CACNB2: variants seen among roughly 807,000 people sequenced by gnomAD.
CACNB2 encodes calcium voltage-gated channel auxiliary subunit beta 2.
Under a neutral mutation model 73.3 loss-of-function variants are expected in CACNB2, and 42 were observed. The ratio of observed to expected loss-of-function variants is 0.57; its 90% CI spans 0.45 to 0.74. The LOEUF is 0.74. CACNB2 is among the 30% of genes least tolerant of loss of function. The pLI, the probability that CACNB2 is intolerant of heterozygous loss-of-function variation, is 0.00. For missense variants in CACNB2, 940 were observed against 853.0 expected, an observed-to-expected ratio of 1.10 and a Z score of -1.27; for synonymous variants, 348 against 310.3, an observed-to-expected ratio of 1.12 and a Z score of -1.28.
At chr10:18,321,159 C>T (rs1179750697) in intron 2 of CACNB2, among the ~76,000 whole-genome samples, 1 of 152,214 alleles carries the variant, frequency 6.6e-6, no homozygotes, top group African/African-American at 2.4e-5. Context: ...CTGGTGCATC[C>T]CTGCAGGCCA....
chr10:18,488,729 A>G (rs548765711), intron 3 of CACNB2, among the ~76,000 whole-genome samples: 7 of 152,128 alleles, frequency 4.6e-5, no homozygotes, highest in African/African-American at 1.2e-4. Context: ...CAAGTCTTCA[A>G]AATTTCACAT....
chr10:18,143,747 T>C (rs1197648424), intron 1 of CACNB2, among the ~76,000 whole-genome samples: 1 of 152,184 alleles, frequency 6.6e-6, no homozygotes, highest in African/African-American at 2.4e-5. Flanking sequence ...TAGAGCATCC[T>C]CCTTGTATGT....
At chr10:18,247,080 T>A (rs1003020786) in intron 2 of CACNB2, among the ~76,000 whole-genome samples, 17 of 152,166 alleles carry the variant, frequency 1.1e-4, no homozygotes, top group African/African-American at 1.7e-4. Flanking sequence ...ACCCAGAGAC[T>A]GCCACCCTAC....
At chr10:18,460,348 G>C (rs943851972) in intron 3 of CACNB2, among the ~76,000 whole-genome samples, 6 of 152,156 alleles carry the variant, frequency 3.9e-5, no homozygotes, top group African/African-American at 1.4e-4. Context: ...CGGAGGTTTA[G>C]TAGGGATAAG....
chr10:18,506,354 T>C, intron 5 of CACNB2, 117 bp from the exon 6 acceptor site: 2 of 709,536 alleles, frequency 2.8e-6, no homozygotes, highest in Non-Finnish European at 5.2e-6. Flanking sequence ...CCTCCTTAAA[T>C]GAAAGATAAA....
intron 10 of CACNB2, among the ~76,000 whole-genome samples, chr10:18,530,119 C>A (rs1022963946): frequency 6.6e-6 from 1 of 152,146 alleles, no homozygotes; most frequent in Non-Finnish European, 1.5e-5. Flanking sequence ...AATTACCCCC[C>A]ACCAGGTCCC....
Position 18,450,630 on chromosome 10 carries a change from T to C in CACNB2, c.334-47725T>C, listed in dbSNP as rs1461974538. On this transcript the variant is annotated intron_variant, in intron 3 of 13. Coordinates refer to ENST00000324631, the MANE Select transcript of CACNB2 (RefSeq NM_201596.3). ...CAGCTCCAGCTGCTTTTTTTTCTTT[T>C]TTTTTTTTTTTTTGAGGAGTCTAAC... 1.2e-4 allele frequency among the ~76,000 whole-genome samples: 18 copies of C among 149,478 alleles called. No homozygotes were observed. In the South Asian group the frequency reaches 1.9e-3, roughly 16 times the overall value.
chr10:18,437,541 C>T (rs1032553738), intron 3 of CACNB2, among the ~76,000 whole-genome samples: 2 of 152,182 alleles, frequency 1.3e-5, no homozygotes, highest in Admixed American at 1.3e-4. Flanking sequence ...CCTTTTGTTG[C>T]CAGGCTGGAA....
intron 2 of CACNB2, 25 bp downstream of exon 2, chr10:18,151,000 TG>T (rs1487893737): frequency 7.4e-7 from 1 of 1,360,262 alleles, no homozygotes; most frequent in South Asian, 1.2e-5. Flanking sequence ...TTCATGGTTT[TG>T]ATAAGTACCT....
In CACNB2 at chr10:18,542,291, T is replaced by G. The variant is rs1476033934; in HGVS notation, c.*2567T>G. The G allele has an allele frequency of 6.6e-6, 1 of 152,190 alleles. No homozygotes were observed. Among genetic ancestry groups the G allele is most frequent in the Non-Finnish European group, 1.5e-5 (1 of 68,042 alleles). 9.4% of individuals were successfully genotyped at this position (152,190 alleles called of 1,614,324 possible). ...TTAGCCCTACACTGTTTACATAAAT[T>G]TATTTACTGAGTATAAAATCAGTAG... On this transcript the variant is annotated 3_prime_UTR_variant, in exon 14 of 14. Coordinates refer to ENST00000324631, the MANE Select transcript of CACNB2 (RefSeq NM_201596.3).
chr10:18,377,581 A>G (rs1006789890), intron 2 of CACNB2, among the ~76,000 whole-genome samples: 2 of 152,190 alleles, frequency 1.3e-5, no homozygotes, highest in East Asian at 1.9e-4. Context: ...GCAACATGAG[A>G]TGTTCTTCTT....
Position 18,540,192 on chromosome 10 carries a change from A to C in CACNB2, c.*468A>C. The C allele has an allele frequency of 5.4e-6, 1 of 186,150 alleles. No individual in the cohort carries two copies. Among genetic ancestry groups the C allele is most frequent in the South Asian group, 1.1e-4 (1 of 9,122 alleles). 11.5% of individuals were successfully genotyped at this position (186,150 alleles called of 1,614,324 possible). A position where few individuals can be genotyped will look rare whatever the true frequency, so the allele number is the denominator to read the frequency against. On this transcript the variant is annotated 3_prime_UTR_variant, in exon 14 of 14. Coordinates refer to ENST00000324631, the MANE Select transcript of CACNB2 (RefSeq NM_201596.3). ...TCTTGCTTGTACCTCTGGCTGACTA[A>C]ATTTGGGGACAGATTCAGTCTTGCC...
intron 2 of CACNB2, among the ~76,000 whole-genome samples, chr10:18,278,083 T>C (rs2038376542): frequency 1.3e-5 from 2 of 152,188 alleles, no homozygotes; most frequent in South Asian, 4.1e-4. Flanking sequence ...ACAAGGAAAA[T>C]ATTGTCCTTA....
chr10:18,495,846 A>G (rs1465507337), intron 3 of CACNB2, among the ~76,000 whole-genome samples: 1 of 152,156 alleles, frequency 6.6e-6, no homozygotes, highest in Non-Finnish European at 1.5e-5. Flanking sequence ...AAATAGAAAC[A>G]TCATACTCTC....
At chr10:18,371,382 G>A (rs1048583939) in intron 2 of CACNB2, among the ~76,000 whole-genome samples, 4 of 151,816 alleles carry the variant, frequency 2.6e-5, no homozygotes, top group African/African-American at 4.8e-5. Context: ...AACGGGCCCC[G>A]GTGTGTGATG....
At position 18,536,153 on chromosome 10, in the gene CACNB2, A is replaced by G; in HGVS notation, c.1259A>G (p.Asn420Ser). The stretch of plus-strand genomic sequence containing the variant: ...GGGAAATCTCAAGCTAAACACCTCA[A>G]CGTCCAGATGGTAGCAGCTGATAAA... ...SRGKSQAKHL[N>S]VQMVAADKLA... Residue 420 changes from asparagine to serine, a missense_variant, in exon 12 of 14, where the codon AAC (asparagine) becomes AGC (serine). Coordinates refer to ENST00000324631, the MANE Select transcript of CACNB2 (RefSeq NM_201596.3). 1 of 1,610,348 alleles carries G rather than the reference A, an allele frequency of 6.2e-7. No individual in the cohort carries two copies.
At chr10:18,512,629 A>C (rs2050875585) in intron 6 of CACNB2, among the ~76,000 whole-genome samples, 2 of 152,180 alleles carry the variant, frequency 1.3e-5, no homozygotes, top group South Asian at 4.1e-4. Context: ...GCCTAAATAC[A>C]TCTTTATTAA....
intron 1 of CACNB2, 135 bp from the exon 2 acceptor site, chr10:18,150,748 C>T (rs1372793873): frequency 1.6e-6 from 1 of 610,960 alleles, no homozygotes; most frequent in Non-Finnish European, 2.8e-6. Flanking sequence ...TATTAACTTT[C>T]TAATGATGCT....
At chr10:18,309,704 G>A (rs891516714) in intron 2 of CACNB2, among the ~76,000 whole-genome samples, 1 of 152,000 alleles carries the variant, frequency 6.6e-6, no homozygotes, top group Non-Finnish European at 1.5e-5. Flanking sequence ...TGATCCACCC[G>A]CCTCAGCCTC....
Sources: allele counts gnomAD v4.1 joint callset (sites outside exome capture counted in the v4.1 genomes callset), GRCh38; gene constraint gnomAD v4.1.1; transcripts MANE v1.5; gene names NCBI Gene and HGNC (gene_info 2026-07-23, HGNC 2026-07-21).